Variants in NRXN1 observed in about 807,000 individuals in gnomAD.
NRXN1 encodes neurexin-1.
NRXN1 carries 39 observed loss-of-function variants against 150.9 expected under a neutral mutation model. The observed-to-expected ratio is 0.26, with a 90% CI of 0.20 to 0.34. NRXN1 has a LOEUF of 0.34. NRXN1 is among the 10% of genes least tolerant of loss of function. The pLI, the probability that NRXN1 is intolerant of heterozygous loss-of-function variation, is 1.00. For missense variants in NRXN1, 1,815 were observed against 1,949.9 expected, an observed-to-expected ratio of 0.93 and a Z score of 1.30; for synonymous variants, 924 against 757.0, an observed-to-expected ratio of 1.22 and a Z score of -3.62.
chr2:50,515,462 C>T (rs1311783813), intron 12 of NRXN1, among the ~76,000 whole-genome samples: 7 of 152,128 alleles, frequency 4.6e-5, no homozygotes, highest in African/African-American at 1.7e-4. Flanking sequence ...ACCAGTCCCT[C>T]ATGCCAAAAA....
Position 50,601,819 on chromosome 2 carries a change from A to G in NRXN1, c.1320+18203T>C, listed in dbSNP as rs143983579. ...TATCATTAAAATGTACCACTGCATA[A>G]GACAGGTCTGCTCCTTCCTTGTTCT... is the stretch of plus-strand genomic sequence containing the variant. On this transcript the variant is annotated intron_variant, in intron 8 of 22. Transcript: ENST00000401669. Among the ~76,000 whole-genome samples the G allele has an allele frequency of 2.2e-3, 330 of 152,318 alleles. 1 individual carries two copies. Among genetic ancestry groups the G allele is most frequent in the African/African-American group, 7.6e-3 (318 of 41,570 alleles).
chr2:50,389,246 C>A (rs1466791666), intron 17 of NRXN1, among the ~76,000 whole-genome samples: 1 of 150,006 alleles, frequency 6.7e-6, no homozygotes, highest in Non-Finnish European at 1.5e-5. Context: ...GATAAACAGA[C>A]AGATTCAGGC....
intron 2 of NRXN1, among the ~76,000 whole-genome samples, chr2:50,979,040 T>A (rs774520788): frequency 5.9e-5 from 9 of 152,092 alleles, no homozygotes; most frequent in African/African-American, 1.2e-4. Flanking sequence ...AACTCATATG[T>A]CCCAACTCTC....
intron 5 of NRXN1, among the ~76,000 whole-genome samples, chr2:50,753,827 C>T (rs1027843372): frequency 3.3e-5 from 5 of 151,712 alleles, no homozygotes. Flanking sequence ...GAATTTTTTA[C>T]TGCTGCAAAT....
intron 9 of NRXN1, among the ~76,000 whole-genome samples, chr2:50,544,227 A>C (rs2093445557): frequency 7.2e-6 from 1 of 138,254 alleles, no homozygotes; most frequent in Non-Finnish European, 1.6e-5. Context: ...AATATGCACA[A>C]CATAAGTAAT....
intron 22 of NRXN1, among the ~76,000 whole-genome samples, chr2:49,933,484 C>T (rs1039721890): frequency 5.9e-5 from 9 of 152,214 alleles, no homozygotes; most frequent in African/African-American, 2.2e-4. Flanking sequence ...TGGGAGTTAA[C>T]ATTCCCACAG....
chr2:50,248,653 T>C (rs1422644428), intron 17 of NRXN1, among the ~76,000 whole-genome samples: 3 of 152,208 alleles, frequency 2.0e-5, no homozygotes, highest in Non-Finnish European at 2.9e-5. Context: ...TTTATCATAA[T>C]GTCATTGTAA....
At position 51,028,151 on chromosome 2, in the gene NRXN1, C is replaced by T. The variant is rs1400018643; in HGVS notation, c.123G>A (p.Thr41=). The T allele has an allele frequency of 2.6e-6, 4 of 1,541,858 alleles. No homozygotes were observed. The highest frequency in any genetic ancestry group is 4.7e-5 in the East Asian group (2 of 42,672). The change falls in exon 2 of 23, where the codon ACG becomes ACA. Residue 41 remains threonine (T), a synonymous_variant. Coordinates refer to ENST00000401669, the MANE Select transcript of NRXN1 (RefSeq NM_001330078.2). The part of the protein sequence containing the change: ...LEFPGAEGQW[T]RFPKWNACCE... ...AGCAGGCGTTCCACTTGGGGAAGCG[C>T]GTCCATTGGCCCTCGGCGCCCGGAA...
At chr2:50,013,991 A>C (rs1454854896) in intron 21 of NRXN1, among the ~76,000 whole-genome samples, 3 of 152,118 alleles carry the variant, frequency 2.0e-5, no homozygotes, top group Admixed American at 2.0e-4. Context: ...ACCTCAAAGA[A>C]GGGAAGCAAT....
chr2:50,447,019 T>C (rs977835918), intron 17 of NRXN1, among the ~76,000 whole-genome samples: 15 of 152,292 alleles, frequency 9.8e-5, no homozygotes, highest in South Asian at 2.1e-4. Context: ...CTCTTTACCA[T>C]ATTGCTACAT....
At chr2:50,702,924 C>T (rs1465076186) in intron 5 of NRXN1, among the ~76,000 whole-genome samples, 1 of 151,954 alleles carries the variant, frequency 6.6e-6, no homozygotes, top group Non-Finnish European at 1.5e-5. Flanking sequence ...ATCAGGATGC[C>T]CTTTTTGTTT....
At chr2:50,631,308 G>C in intron 5 of NRXN1, 1 of 293,648 alleles carries the variant, frequency 3.4e-6, no homozygotes, top group South Asian at 3.1e-5. Flanking sequence ...GAAATAAATT[G>C]CCAAGCTTCT....
chr2:50,158,377 A>T (rs1213239885), intron 18 of NRXN1, among the ~76,000 whole-genome samples: 1 of 151,666 alleles, frequency 6.6e-6, no homozygotes, highest in East Asian at 2.0e-4. Flanking sequence ...CTATTTGCTG[A>T]CATTCATAGA....
At chr2:50,158,900 C>A (rs1226187470) in intron 18 of NRXN1, among the ~76,000 whole-genome samples, 1 of 152,022 alleles carries the variant, frequency 6.6e-6, no homozygotes, top group African/African-American at 2.4e-5. Flanking sequence ...AGATAGTGAA[C>A]CTTTCCTGTC....
intron 21 of NRXN1, among the ~76,000 whole-genome samples, chr2:50,031,430 G>C (rs1419225469): frequency 6.6e-6 from 1 of 151,808 alleles, no homozygotes; most frequent in Admixed American, 6.6e-5. Flanking sequence ...CCATATCCAG[G>C]TTAATTACAA....
intron 2 of NRXN1, among the ~76,000 whole-genome samples, chr2:50,974,886 T>C (rs1695579492): frequency 6.6e-6 from 1 of 152,038 alleles, no homozygotes; most frequent in Non-Finnish European, 1.5e-5. Flanking sequence ...CTATATAAAA[T>C]GTACTTGTAT....
At chr2:50,152,419 C>T (rs2058749250) in intron 18 of NRXN1, among the ~76,000 whole-genome samples, 1 of 151,704 alleles carries the variant, frequency 6.6e-6, no homozygotes, top group Non-Finnish European at 1.5e-5. Flanking sequence ...TGTATGTATA[C>T]AGTAGTCCCT....
chr2:50,991,737 G>A (rs888563340), intron 2 of NRXN1, among the ~76,000 whole-genome samples: 8 of 151,930 alleles, frequency 5.3e-5, no homozygotes, highest in Non-Finnish European at 1.0e-4. Context: ...AATATCTTGG[G>A]AACGCGATTC....
chr2:49,954,372 T>G (rs552751061), intron 21 of NRXN1, among the ~76,000 whole-genome samples: 1 of 152,292 alleles, frequency 6.6e-6, no homozygotes, highest in Middle Eastern at 3.4e-3. Flanking sequence ...CCAGATCTCC[T>G]GGAGAGCTTA....
Sources: gnomAD v4.1 joint callset for allele counts (sites outside exome capture counted in the v4.1 genomes callset) on GRCh38, gnomAD v4.1.1 for gene constraint, MANE v1.5 for transcripts, NCBI Gene and HGNC (gene_info 2026-07-23, HGNC 2026-07-21) for gene names.